FAM184A: variants seen among roughly 807,000 people sequenced by gnomAD.
FAM184A encodes family with sequence similarity 184 member A.
Under a neutral mutation model 143.8 loss-of-function variants are expected in FAM184A, and 99 were observed. The observed-to-expected ratio is 0.69, with a 90% CI of 0.58 to 0.81. The LOEUF is 0.81. FAM184A is among the 40% of genes least tolerant of loss of function. The pLI, the probability that FAM184A is intolerant of heterozygous loss-of-function variation, is 0.00. For missense variants in FAM184A, 1,217 were observed against 1,310.5 expected (o/e 0.93, Z 1.10); for synonymous variants, 427 against 446.4 (o/e 0.96, Z 0.55).
intron 1 of FAM184A, among the ~76,000 whole-genome samples, chr6:119,138,780 A>G (rs972755084): frequency 1.3e-5 from 2 of 152,092 alleles, no homozygotes; most frequent in Admixed American, 1.3e-4. Flanking sequence ...GGCATGTGCC[A>G]CTACGCCTGG....
intron 14 of FAM184A, 104 bp downstream of exon 14, chr6:118,974,324 A>C: frequency 8.9e-7 from 1 of 1,128,722 alleles, no homozygotes; most frequent in Non-Finnish European, 1.2e-6. Context: ...TTCTTTTTAA[A>C]GTATCCTTTT....
intron 1 of FAM184A, among the ~76,000 whole-genome samples, chr6:119,086,206 T>C (rs1457631710): frequency 6.6e-6 from 1 of 152,236 alleles, no homozygotes; most frequent in East Asian, 1.9e-4. Flanking sequence ...TGCCTGTTTC[T>C]TTCATGAGAT....
chr6:119,005,223 T>A (rs1412217005), intron 7 of FAM184A: 2 of 152,248 alleles, frequency 1.3e-5, no homozygotes, highest in East Asian at 3.9e-4. Flanking sequence ...ATTCCAATTA[T>A]TTCTTGTTAT....
intron 11 of FAM184A, among the ~76,000 whole-genome samples, chr6:118,976,735 C>A (rs551145850): frequency 2.6e-5 from 4 of 151,858 alleles, no homozygotes; most frequent in Admixed American, 6.6e-5. Context: ...CAACTTCTCA[C>A]CCAAATAAGA....
At chr6:119,061,789 G>A (rs1045174785) in intron 1 of FAM184A, among the ~76,000 whole-genome samples, 1 of 152,068 alleles carries the variant, frequency 6.6e-6, no homozygotes, top group East Asian at 1.9e-4. Context: ...GCTTGAGGAA[G>A]GGAGGGATAG....
At chr6:119,024,856 T>C (rs1299059760) in intron 1 of FAM184A, 43 bp from the exon 2 acceptor site, 2 of 1,484,328 alleles carry the variant, frequency 1.3e-6, no homozygotes, top group South Asian at 1.4e-5. Flanking sequence ...TGTGAATCCA[T>C]ATTATTTTCT....
intron 9 of FAM184A, among the ~76,000 whole-genome samples, chr6:118,996,865 T>C (rs1257836104): frequency 1.3e-5 from 2 of 151,048 alleles, no homozygotes; most frequent in African/African-American, 4.9e-5. Flanking sequence ...CACGTGTGCA[T>C]GACCATGCCT....
chr6:119,102,120 G>T (rs1355290227), intron 1 of FAM184A, among the ~76,000 whole-genome samples: 1 of 152,124 alleles, frequency 6.6e-6, no homozygotes, highest in African/African-American at 2.4e-5. Context: ...ATGCTAGGAA[G>T]AAACTGAATA....
In FAM184A at chr6:119,022,979, T is replaced by C. The variant is rs769757184; in HGVS notation, c.1116A>G (p.Leu372=). The C allele has an allele frequency of 6.2e-7, 1 of 1,614,240 alleles. No homozygotes were observed. Among genetic ancestry groups the C allele is most frequent in the Non-Finnish European group, 8.5e-7 (1 of 1,180,042 alleles). ...ESELAAARER[L]QQQASDLVLK... Reference sequence around the variant, plus strand: ...GGACAAGATCTGAAGCTTGCTGTTGTAAACGTTCTCTGGCAGCTGCTAGCT... The same window carrying C: ...GGACAAGATCTGAAGCTTGCTGTTGCAAACGTTCTCTGGCAGCTGCTAGCT... The change falls in exon 3 of 18, where the codon TTA becomes TTG. Residue 372 remains leucine, a synonymous_variant. Coordinates refer to ENST00000338891, the MANE Select transcript of FAM184A (RefSeq NM_024581.6).
chr6:119,016,480 G>A (rs1385760350), intron 5 of FAM184A, among the ~76,000 whole-genome samples: 1 of 151,956 alleles, frequency 6.6e-6, no homozygotes, highest in Non-Finnish European at 1.5e-5. Context: ...GCTACCTTAA[G>A]AGCTGTAACA....
intron 9 of FAM184A, among the ~76,000 whole-genome samples, chr6:118,991,037 C>T (rs1209763464): frequency 1.3e-5 from 2 of 150,982 alleles, no homozygotes; most frequent in Non-Finnish European, 2.9e-5. Flanking sequence ...TTATTTAAAA[C>T]AAATGTATAA....
At chr6:119,040,728 T>C (rs937115080) in intron 1 of FAM184A, among the ~76,000 whole-genome samples, 1 of 152,200 alleles carries the variant, frequency 6.6e-6, no homozygotes, top group Non-Finnish European at 1.5e-5. Flanking sequence ...GTTCCTGTTA[T>C]ATCCCGGGGC....
At chr6:119,101,840 G>A (rs1400299363) in intron 1 of FAM184A, among the ~76,000 whole-genome samples, 3 of 152,126 alleles carry the variant, frequency 2.0e-5, no homozygotes, top group African/African-American at 7.2e-5. Context: ...CACATCACCC[G>A]AGGTCAGGAG....
chr6:119,110,659 G>C (rs535810230), intron 1 of FAM184A, among the ~76,000 whole-genome samples: 7 of 152,314 alleles, frequency 4.6e-5, no homozygotes, highest in African/African-American at 1.7e-4. Context: ...TTATGAATGT[G>C]TGGTTGGCTG....
intron 9 of FAM184A, among the ~76,000 whole-genome samples, chr6:118,999,098 T>C (rs922685254): frequency 6.6e-6 from 1 of 152,168 alleles, no homozygotes; most frequent in South Asian, 2.1e-4. Flanking sequence ...GGACTGCTGA[T>C]GAACTAGTTG....
intron 1 of FAM184A, among the ~76,000 whole-genome samples, chr6:119,085,156 C>A (rs1788184466): frequency 6.6e-6 from 1 of 152,250 alleles, no homozygotes; most frequent in Non-Finnish European, 1.5e-5. Context: ...CTTTCTACCA[C>A]ATGACCAGGC....
chr6:119,081,990 G>C (rs1387745831), upstream of FAM184A, among the ~76,000 whole-genome samples: 1 of 152,202 alleles, frequency 6.6e-6, no homozygotes, highest in African/African-American at 2.4e-5. Context: ...CTGCCTGCTA[G>C]GGTCCCCAGG....
intron 9 of FAM184A, among the ~76,000 whole-genome samples, chr6:118,995,172 C>T (rs536715510): frequency 6.6e-6 from 1 of 152,092 alleles, no homozygotes; most frequent in East Asian, 1.9e-4. Context: ...AATCCCAGCA[C>T]TTTGGGAGGC....
chr6:119,080,384 TCA>T (rs1379656236), upstream of FAM184A, among the ~76,000 whole-genome samples: 1 of 152,162 alleles, frequency 6.6e-6, no homozygotes, highest in African/African-American at 2.4e-5. Context: ...CTGAACTCCA[TCA>T]CATGAGTTTC....
Sources: gnomAD v4.1 joint callset for allele counts (sites outside exome capture counted in the v4.1 genomes callset) on GRCh38, gnomAD v4.1.1 for gene constraint, MANE v1.5 for transcripts, NCBI Gene and HGNC (gene_info 2026-07-23, HGNC 2026-07-21) for gene names.